NTNG1: variants seen among roughly 807,000 people sequenced by gnomAD.
NTNG1 encodes the protein netrin G1, also known as netrin-G1.
Under a neutral mutation model 54.0 loss-of-function variants are expected in NTNG1, and 16 were observed. That is an observed-to-expected ratio of 0.30 (90% CI 0.20 to 0.45). The LOEUF is 0.45. NTNG1 is among the 20% of genes least tolerant of loss of function. The probability of loss-of-function intolerance (pLI) is 1.00; values close to 1 mark genes in which losing one functional copy is unlikely to be tolerated. For missense variants in NTNG1, 530 were observed against 678.7 expected (o/e 0.78, Z 2.43); for synonymous variants, 255 against 263.1 (o/e 0.97, Z 0.30).
At position 107,470,285 on chromosome 1, in the gene NTNG1, A is replaced by G. The variant is rs191903949; in HGVS notation, c.1391-10326A>G. On this transcript the variant is annotated intron_variant, in intron 7 of 7. Coordinates refer to ENST00000370068, the MANE Select transcript of NTNG1 (RefSeq NM_001113226.3). ...ATTACCTTTATTATCTAAGTAAAAG[A>G]CACATATTTCTAAAAAAAACCCAGC... 5.3e-5 allele frequency among the ~76,000 whole-genome samples: 8 copies of G among 152,360 alleles called. No individual in the cohort carries two copies. In the East Asian group the frequency reaches 1.3e-3, roughly 26 times the overall value.
chr1:107,423,024 C>T (rs1674669432), intron 5 of NTNG1, among the ~76,000 whole-genome samples: 2 of 151,962 alleles, frequency 1.3e-5, no homozygotes, highest in South Asian at 4.2e-4. Context: ...CCAGGTCTTC[C>T]CCAGCCAGTG....
intron 2 of NTNG1, among the ~76,000 whole-genome samples, chr1:107,263,570 A>G (rs139333727): frequency 2.8e-4 from 42 of 152,240 alleles, no homozygotes; most frequent in African/African-American, 9.6e-4. Flanking sequence ...GCTAATGAAT[A>G]CTCTGAGTTA....
In NTNG1 at chr1:107,358,963, A is replaced by G. The variant is rs531374188; in HGVS notation, c.887+34041A>G. Among the ~76,000 whole-genome samples the G allele has an allele frequency of 5.9e-5, 9 of 152,348 alleles. No individual in the cohort carries two copies. The East Asian group carries it at 1.7e-3, about 29-fold the overall frequency. On this transcript the variant is annotated intron_variant, in intron 3 of 7. Transcript: ENST00000370068. ...ATTATGGCCAACTGCTACAAGGCTG[A>G]TCATTGTCTCACAAAAAAATATAAA...
chr1:107,295,692 T>C (rs1386186499), intron 2 of NTNG1, among the ~76,000 whole-genome samples: 1 of 152,080 alleles, frequency 6.6e-6, no homozygotes, highest in East Asian at 1.9e-4. Flanking sequence ...TTTAATAAAT[T>C]GTAGCTATTG....
chr1:107,345,814 G>C (rs1284818179), intron 3 of NTNG1, among the ~76,000 whole-genome samples: 1 of 152,026 alleles, frequency 6.6e-6, no homozygotes, highest in Non-Finnish European at 1.5e-5. Context: ...TCATTCCTAG[G>C]TTATGTATGT....
At chr1:107,434,172 T>C (rs890083565) in intron 6 of NTNG1, among the ~76,000 whole-genome samples, 4 of 152,210 alleles carry the variant, frequency 2.6e-5, no homozygotes, top group African/African-American at 9.7e-5. Flanking sequence ...TTCACCACCC[T>C]TGCTGTAAAG....
At chr1:107,281,511 G>A (rs1317676116) in intron 2 of NTNG1, among the ~76,000 whole-genome samples, 1 of 152,144 alleles carries the variant, frequency 6.6e-6, no homozygotes, top group African/African-American at 2.4e-5. Flanking sequence ...TGTGTTAAGA[G>A]TTGTCGAATT....
At chr1:107,292,260 G>T (rs1002594066) in intron 2 of NTNG1, among the ~76,000 whole-genome samples, 3 of 152,038 alleles carry the variant, frequency 2.0e-5, no homozygotes, top group Non-Finnish European at 2.9e-5. Flanking sequence ...CTCAATTCTC[G>T]CGTCCTCAGA....
chr1:107,301,357 A>T (rs945211797), intron 2 of NTNG1, among the ~76,000 whole-genome samples: 1 of 152,100 alleles, frequency 6.6e-6, no homozygotes, highest in East Asian at 1.9e-4. Context: ...AAAGAAACAC[A>T]AACAGAGGAG....
chr1:107,310,901 A>G (rs1666972886), intron 2 of NTNG1, among the ~76,000 whole-genome samples: 1 of 152,008 alleles, frequency 6.6e-6, no homozygotes, highest in Non-Finnish European at 1.5e-5. Context: ...AGCAATACAA[A>G]CCTACATAAA....
At chr1:107,270,520 A>G (rs2101687171) in intron 2 of NTNG1, among the ~76,000 whole-genome samples, 1 of 152,332 alleles carries the variant, frequency 6.6e-6, no homozygotes, top group South Asian at 2.1e-4. Flanking sequence ...CAATTCCTAT[A>G]TAACACTCAA....
chr1:107,433,556 A>C (rs1675409735), intron 6 of NTNG1, among the ~76,000 whole-genome samples: 1 of 152,324 alleles, frequency 6.6e-6, no homozygotes, highest in African/African-American at 2.4e-5. Context: ...CTCAAAAAAT[A>C]AAATAAAATA....
chr1:107,434,252 A>G (rs1191375859), intron 6 of NTNG1, among the ~76,000 whole-genome samples: 2 of 152,238 alleles, frequency 1.3e-5, no homozygotes, highest in Non-Finnish European at 2.9e-5. Context: ...TACTTGCATC[A>G]TTTTATATTA....
chr1:107,365,073 T>G (rs1037023553), intron 3 of NTNG1, among the ~76,000 whole-genome samples: 3 of 152,186 alleles, frequency 2.0e-5, no homozygotes, highest in African/African-American at 7.2e-5. Context: ...ACCTGTTACT[T>G]TTTTTGATGT....
chr1:107,203,714 T>A (rs1658940997), intron 2 of NTNG1, among the ~76,000 whole-genome samples: 1 of 151,602 alleles, frequency 6.6e-6, no homozygotes, highest in Non-Finnish European at 1.5e-5. Flanking sequence ...AGAATATCTA[T>A]TTTTATTCAG....
At chr1:107,452,154 C>A (rs909470968) in intron 7 of NTNG1, among the ~76,000 whole-genome samples, 1 of 152,114 alleles carries the variant, frequency 6.6e-6, no homozygotes, top group Admixed American at 6.5e-5. Context: ...ACAACATCTG[C>A]AGTAAAATAA....
intron 5 of NTNG1, among the ~76,000 whole-genome samples, chr1:107,425,218 G>A (rs1170220173): frequency 6.6e-6 from 1 of 152,046 alleles, no homozygotes; most frequent in Non-Finnish European, 1.5e-5. Context: ...GGGGGTACAT[G>A]TGCTTGTGTG....
chr1:107,202,156 T>C (rs892357643), intron 2 of NTNG1, among the ~76,000 whole-genome samples: 37 of 151,994 alleles, frequency 2.4e-4, no homozygotes, highest in African/African-American at 7.9e-4. Flanking sequence ...GCTTTAGACA[T>C]GTCTCATAAC....
At chr1:107,208,421 A>G (rs968598875) in intron 2 of NTNG1, among the ~76,000 whole-genome samples, 3 of 107,856 alleles carry the variant, frequency 2.8e-5, no homozygotes, top group African/African-American at 8.5e-5. Context: ...CAAGAGCCAA[A>G]CATCATCTCA....
Sources: gnomAD v4.1 joint callset for allele counts (sites outside exome capture counted in the v4.1 genomes callset) on GRCh38, gnomAD v4.1.1 for gene constraint, MANE v1.5 for transcripts, NCBI Gene and HGNC (gene_info 2026-07-23, HGNC 2026-07-21) for gene names.